The following EPB41L5 variants were observed in gnomAD, a reference collection of about 807,000 sequenced individuals.
The protein encoded by EPB41L5 is erythrocyte membrane protein band 4.1 like 5.
EPB41L5 carries 55 observed loss-of-function variants against 106.6 expected under a neutral mutation model. That is an observed-to-expected ratio of 0.52 (90% CI 0.42 to 0.65). The LOEUF (loss-of-function observed/expected upper bound fraction) is 0.65, where lower values mean the gene tolerates loss of function less well. Among genes scored for constraint, EPB41L5 ranks in the 30% least tolerant of loss-of-function variants. EPB41L5 has a pLI of 0.00. For missense variants in EPB41L5, 871 were observed against 882.1 expected, an observed-to-expected ratio of 0.99 and a Z score of 0.16; for synonymous variants, 297 against 306.7, an observed-to-expected ratio of 0.97 and a Z score of 0.33.
chr2:120,081,451 C>G (rs922367893), intron 10 of EPB41L5, among the ~76,000 whole-genome samples: 5 of 152,172 alleles, frequency 3.3e-5, no homozygotes, highest in African/African-American at 1.2e-4. Flanking sequence ...GGGCTCTGTT[C>G]TGTTCCATTG....
chr2:120,169,147 A>G (rs748117642), intron 24 of EPB41L5, among the ~76,000 whole-genome samples: 12 of 152,354 alleles, frequency 7.9e-5, no homozygotes, highest in South Asian at 2.1e-4. Context: ...TTACAAATAA[A>G]CCAATGGAAC....
intron 24 of EPB41L5, among the ~76,000 whole-genome samples, chr2:120,171,867 C>T (rs1024436745): frequency 6.6e-6 from 1 of 151,034 alleles, no homozygotes; most frequent in Non-Finnish European, 1.5e-5. Flanking sequence ...AACTGAAAAA[C>T]AAGGAAATAA....
intron 17 of EPB41L5, among the ~76,000 whole-genome samples, chr2:120,129,644 T>C (rs1685610409): frequency 6.6e-6 from 1 of 152,194 alleles, no homozygotes; most frequent in African/African-American, 2.4e-5. Flanking sequence ...ATATATTAGC[T>C]TAGGATTTAC....
chr2:120,096,281 G>A (rs1558871161), intron 14 of EPB41L5, among the ~76,000 whole-genome samples: 3 of 152,000 alleles, frequency 2.0e-5, no homozygotes, highest in South Asian at 4.2e-4. Context: ...GACTATAATA[G>A]CACTCCGCTT....
rs182660306 is a variant in EPB41L5, at chr2:120,040,634, A to T, written c.181-1372A>T. Among the ~76,000 whole-genome samples the T allele has an allele frequency of 2.6e-5, 4 of 152,360 alleles. No homozygotes were observed. The East Asian group carries it at 7.7e-4, about 29-fold the overall frequency. The stretch of plus-strand genomic sequence containing the variant: ...GACATGTAATGTACACATGTAAGGC[A>T]TGTACATTTTTGAAATACCCAAGTA... On this transcript the variant is annotated intron_variant, in intron 2 of 24. Transcript: ENST00000263713.
At chr2:120,020,529 G>A (rs938756890) in intron 2 of EPB41L5, among the ~76,000 whole-genome samples, 2 of 152,076 alleles carry the variant, frequency 1.3e-5, no homozygotes, top group South Asian at 2.1e-4. Flanking sequence ...TTTGATTCTG[G>A]ACAACTTGAA....
At chr2:120,049,133 A>G (rs1680036265) in intron 3 of EPB41L5, among the ~76,000 whole-genome samples, 1 of 152,206 alleles carries the variant, frequency 6.6e-6, no homozygotes, top group African/African-American at 2.4e-5. Flanking sequence ...AAGAATGTAT[A>G]TTCTGCTGAT....
Position 120,063,416 on chromosome 2 carries a change from G to A in EPB41L5, c.286-9762G>A, listed in dbSNP as rs532075069. Among the ~76,000 whole-genome samples, 13 of 151,666 alleles carry A rather than the reference G, an allele frequency of 8.6e-5. 1 individual carries two copies. The South Asian group carries it at 2.7e-3, about 32-fold the overall frequency. On this transcript the variant is annotated intron_variant, in intron 3 of 24. Coordinates refer to ENST00000263713, the MANE Select transcript of EPB41L5 (RefSeq NM_020909.4). ...CCTAGTGAGCTCCTATGCAATTTTG[G>A]CAGCATGCTGTCTCCCTTTTTAAAG...
chr2:120,169,087 C>CTTCCTAGAACTCATGGAAAGGAGTAATAA (rs1159170281), intron 24 of EPB41L5, among the ~76,000 whole-genome samples: 1 of 152,080 alleles, frequency 6.6e-6, no homozygotes, highest in Non-Finnish European at 1.5e-5. Context: ...TTATCTCTTT[C>CTTCCTAGAACTCATGGAAAGGAGTAATAA]TTCCTAGAAC....
intron 22 of EPB41L5, among the ~76,000 whole-genome samples, chr2:120,166,683 A>G (rs12988474): frequency 0.64 from 97,092 of 152,152 alleles, 32,296 homozygotes; most frequent in Middle Eastern, 0.74. Flanking sequence ...TGATCTGCCC[A>G]CCTCGCCCTC....
At chr2:120,035,028 T>A (rs964032220) in intron 2 of EPB41L5, among the ~76,000 whole-genome samples, 1 of 152,248 alleles carries the variant, frequency 6.6e-6, no homozygotes, top group African/African-American at 2.4e-5. Context: ...GTTTTATTAT[T>A]TAAACGCACA....
In EPB41L5 at chr2:120,174,933, C is replaced by T. The variant is rs771902715; in HGVS notation, c.*26C>T. 1 of 1,596,472 alleles carries T rather than the reference C, an allele frequency of 6.3e-7. No homozygotes were observed. On this transcript the variant is annotated 3_prime_UTR_variant, in exon 25 of 25. Transcript: ENST00000263713. ...GGGCCTGTAGCTGGAATACGCATCT[C>T]TCCAGCATTCCGTCCTGGGATCCGT...
At chr2:120,099,686 A>G (rs1684016488) in intron 14 of EPB41L5, among the ~76,000 whole-genome samples, 1 of 152,174 alleles carries the variant, frequency 6.6e-6, no homozygotes, top group African/African-American at 2.4e-5. Flanking sequence ...TCAGCCTCCC[A>G]AAGTGCTGGG....
chr2:120,081,028 G>T (rs1340155434), intron 10 of EPB41L5, among the ~76,000 whole-genome samples: 1 of 152,102 alleles, frequency 6.6e-6, no homozygotes, highest in Non-Finnish European at 1.5e-5. Flanking sequence ...CAGATGGGTA[G>T]ATTGCAAAAC....
chr2:120,155,364 T>C (rs1686857743), intron 20 of EPB41L5, among the ~76,000 whole-genome samples: 2 of 152,238 alleles, frequency 1.3e-5, no homozygotes, highest in Non-Finnish European at 2.9e-5. Flanking sequence ...TAATGAGAAG[T>C]TGGCTTTTAC....
rs1287634528 is a variant in EPB41L5 at position 120,164,924 on chromosome 2, A to C, written c.1962+14A>C. The C allele has an allele frequency of 8.9e-6, 14 of 1,573,038 alleles. No individual in the cohort carries two copies. Among genetic ancestry groups the C allele is most frequent in the Non-Finnish European group, 1.2e-5 (14 of 1,155,924 alleles). On this transcript the variant is annotated intron_variant, in intron 22 of 24. Coordinates refer to ENST00000263713, the MANE Select transcript of EPB41L5 (RefSeq NM_020909.4). ...GTTGCACCTCAGGTAAATATGCTTT[A>C]AAATAGTATGATGGAAAGAAATTTC...
intron 14 of EPB41L5, among the ~76,000 whole-genome samples, chr2:120,093,780 G>C (rs1300839736): frequency 6.6e-6 from 1 of 152,038 alleles, no homozygotes; most frequent in Non-Finnish European, 1.5e-5. Flanking sequence ...TTTTATGTAG[G>C]GTGGGTAATA....
intron 5 of EPB41L5, chr2:120,074,427 G>T (rs1242553448): frequency 2.9e-5 from 10 of 349,684 alleles, no homozygotes; most frequent in African/African-American, 2.1e-4. Flanking sequence ...TTTTTTTTAA[G>T]TATCACTCTC....
chr2:120,120,072 C>T (rs1002537801), intron 16 of EPB41L5, among the ~76,000 whole-genome samples: 4 of 152,092 alleles, frequency 2.6e-5, no homozygotes, highest in African/African-American at 7.2e-5. Context: ...TTATTGTAAC[C>T]TCTCATCTTG....
Sources: allele counts gnomAD v4.1 joint callset (sites outside exome capture counted in the v4.1 genomes callset), GRCh38; gene constraint gnomAD v4.1.1; transcripts MANE v1.5; gene names NCBI Gene and HGNC (gene_info 2026-07-23, HGNC 2026-07-21).